The following UQCR11 variants were observed in gnomAD, a reference collection of about 807,000 sequenced individuals.
UQCR11 encodes the protein ubiquinol-cytochrome c reductase, complex III subunit XI.
A neutral mutation model predicts 7.6 loss-of-function variants in UQCR11; 10 were observed. The observed-to-expected ratio is 1.31, with a 90% CI of 0.81 to 2.22. The LOEUF (loss-of-function observed/expected upper bound fraction) is 2.22, where lower values mean the gene tolerates loss of function less well. UQCR11 is among the 30% of genes most tolerant of loss of function. The probability of loss-of-function intolerance (pLI) is 0.00; values close to 1 mark genes in which losing one functional copy is unlikely to be tolerated. For missense variants in UQCR11, 86 were observed against 75.1 expected (o/e 1.15, Z -0.54); for synonymous variants, 34 against 34.9 (o/e 0.97, Z 0.09).
intron 1 of UQCR11, among the ~76,000 whole-genome samples, chr19:1,603,603 T>C (rs1236790896): frequency 1.1e-4 from 16 of 152,084 alleles, no homozygotes; most frequent in Admixed American, 1.0e-3. Context: ...CAAGACTCCG[T>C]CTCTAAATAA....
At chr19:1,599,250 G>T (rs780344009) in intron 2 of UQCR11, 162 bp downstream of exon 2, 26 of 909,628 alleles carry the variant, frequency 2.9e-5, no homozygotes, top group Non-Finnish European at 3.7e-5. Context: ...CCCGTGGGCC[G>T]GAGATGCCAG....
At chr19:1,600,687 C>G (rs569000635) in intron 1 of UQCR11, among the ~76,000 whole-genome samples, 10 of 152,002 alleles carry the variant, frequency 6.6e-5, no homozygotes, top group African/African-American at 2.4e-4. Flanking sequence ...GCCTAGACAA[C>G]AGAGTGAGAC....
At chr19:1,603,935 TC>T (rs1192118279) in intron 1 of UQCR11, among the ~76,000 whole-genome samples, 6 of 152,204 alleles carry the variant, frequency 3.9e-5, no homozygotes, top group Non-Finnish European at 5.9e-5. Context: ...ACACTGCCAA[TC>T]ATAAGCCTTT....
chr19:1,599,870 T>G (rs12460139), intron 1 of UQCR11, among the ~76,000 whole-genome samples: 12,703 of 152,338 alleles, frequency 0.083, 1,318 homozygotes, highest in African/African-American at 0.23. Flanking sequence ...TCCGGTCTGC[T>G]GCAGTCTGCA....
intron 1 of UQCR11, among the ~76,000 whole-genome samples, chr19:1,599,795 T>TG (rs1395136465): frequency 6.6e-6 from 1 of 152,132 alleles, no homozygotes. Flanking sequence ...GGAGTGGAGC[T>TG]GGGGGGAGGC....
At chr19:1,602,536 C>G (rs922818366) in intron 1 of UQCR11, 20 of 152,264 alleles carry the variant, frequency 1.3e-4, no homozygotes, top group African/African-American at 4.8e-4. Flanking sequence ...ACGGCAACCC[C>G]CGCCTCCCAG....
At chr19:1,601,736 C>T (rs1183789742) in intron 1 of UQCR11, among the ~76,000 whole-genome samples, 1 of 152,160 alleles carries the variant, frequency 6.6e-6, no homozygotes, top group African/African-American at 2.4e-5. Flanking sequence ...TGACTCAGTG[C>T]ACCCACTGAA....
chr19:1,603,560 T>C (rs754675750), intron 1 of UQCR11, among the ~76,000 whole-genome samples: 4 of 152,112 alleles, frequency 2.6e-5, no homozygotes, highest in Non-Finnish European at 5.9e-5. Context: ...TGAGCCGAGA[T>C]TGCGCCACTG....
chr19:1,603,478 G>A (rs751398643), intron 1 of UQCR11, among the ~76,000 whole-genome samples: 1 of 152,106 alleles, frequency 6.6e-6, no homozygotes, highest in Non-Finnish European at 1.5e-5. Flanking sequence ...GGTGGCGGGC[G>A]CCTGTAGTCC....
intron 1 of UQCR11, among the ~76,000 whole-genome samples, chr19:1,601,128 C>T (rs1205973154): frequency 6.6e-6 from 1 of 151,676 alleles, no homozygotes. Context: ...AAGATTGCAC[C>T]ATTGCTCTCT....
intron 1 of UQCR11, among the ~76,000 whole-genome samples, chr19:1,599,852 A>G (rs540461775): frequency 6.6e-6 from 1 of 152,346 alleles, no homozygotes; most frequent in Non-Finnish European, 1.5e-5. Context: ...AACCACCATG[A>G]TGATGGGTCC....
chr19:1,599,566 A>G lies in UQCR11; in HGVS notation c.51-6T>C. ...ATGTGTAGGCCGTCGGGACCCTGCG[A>G]GAGGAGAGGGGATGGTCAGGCCTGC... On this transcript the variant is annotated splice_polypyrimidine_tract_variant and splice_region_variant and intron_variant, in intron 1 of 2. Transcript: ENST00000591899. 6.2e-7 allele frequency: 1 copy of G among 1,607,740 alleles called. No homozygotes were observed. Among genetic ancestry groups the G allele is most frequent in the Non-Finnish European group, 8.5e-7 (1 of 1,179,904 alleles).
intron 1 of UQCR11, chr19:1,602,450 A>C (rs918592174): frequency 6.6e-6 from 1 of 151,912 alleles, no homozygotes; most frequent in Non-Finnish European, 1.5e-5. Context: ...TTATTTATTT[A>C]TTTATTTATT....
At chr19:1,603,837 G>T (rs1319949661) in intron 1 of UQCR11, among the ~76,000 whole-genome samples, 1 of 152,200 alleles carries the variant, frequency 6.6e-6, no homozygotes, top group Non-Finnish European at 1.5e-5. Context: ...CATTCCACTT[G>T]AAGGTCCCAG....
chr19:1,605,429 C>G lies in UQCR11; in HGVS notation c.-20G>C. On this transcript the variant is annotated 5_prime_UTR_variant, in exon 1 of 3. Transcript: ENST00000591899. ...CACCATCGCGGCGGAGTCGCACCCT[C>G]AGGATGACCCTGTCCAGCTGACCCG... The G allele has an allele frequency of 6.5e-7, 1 of 1,542,886 alleles. No homozygotes were observed. Among genetic ancestry groups the G allele is most frequent in the Non-Finnish European group, 8.7e-7 (1 of 1,150,788 alleles).
intron 1 of UQCR11, among the ~76,000 whole-genome samples, chr19:1,603,734 G>A (rs2060753757): frequency 6.6e-6 from 1 of 152,234 alleles, no homozygotes; most frequent in Non-Finnish European, 1.5e-5. Flanking sequence ...GGGCTGCACT[G>A]GCTACCATGG....
intron 1 of UQCR11, among the ~76,000 whole-genome samples, chr19:1,600,051 C>T (rs960143382): frequency 1.3e-5 from 2 of 152,228 alleles, no homozygotes; most frequent in African/African-American, 4.8e-5. Context: ...TTGCCCACCA[C>T]GGCACGTGCT....
At position 1,599,476 on chromosome 19, in the gene UQCR11, T is replaced by C. The variant is rs1599356179; in HGVS notation, c.135A>G (p.Val45=). The change falls in exon 2 of 3, where the codon GTA becomes GTG. Residue 45 remains valine, a synonymous_variant. Coordinates refer to ENST00000591899, the MANE Select transcript of UQCR11 (RefSeq NM_006830.4). ...TCTTAAACTTGCCATTGATGTAAGG[T>C]ACCCAGTCCAGGATCAGCCGCCAAT... ...ATDWRLILDW[V]PYINGKFKKD... 1 of 1,613,832 alleles carries C rather than the reference T, an allele frequency of 6.2e-7. No individual in the cohort carries two copies. Among genetic ancestry groups the C allele is most frequent in the Non-Finnish European group, 8.5e-7 (1 of 1,180,014 alleles).
chr19:1,603,719 G>A (rs1356852290), intron 1 of UQCR11, among the ~76,000 whole-genome samples: 5 of 152,224 alleles, frequency 3.3e-5, no homozygotes, highest in Non-Finnish European at 5.9e-5. Context: ...TGCTGCACCC[G>A]GGAGGGGCTG....
Sources: gnomAD v4.1 joint callset for allele counts (sites outside exome capture counted in the v4.1 genomes callset) on GRCh38, gnomAD v4.1.1 for gene constraint, MANE v1.5 for transcripts, NCBI Gene and HGNC (gene_info 2026-07-23, HGNC 2026-07-21) for gene names.